Variants in EQTN observed in about 807,000 individuals in gnomAD.
The protein encoded by EQTN is equatorin.
EQTN carries 29 observed loss-of-function variants against 26.9 expected under a neutral mutation model. That is an observed-to-expected ratio of 1.08 (90% CI 0.80 to 1.47). The LOEUF is 1.47. Among genes scored for constraint, EQTN ranks in the 40% most tolerant of loss-of-function variants. The pLI is 0.00. For missense variants in EQTN, 391 were observed against 346.1 expected, an observed-to-expected ratio of 1.13 and a Z score of -1.03; for synonymous variants, 129 against 120.0, an observed-to-expected ratio of 1.07 and a Z score of -0.49.
intron 6 of EQTN, among the ~76,000 whole-genome samples, chr9:27,288,177 T>C (rs2131304892): frequency 6.6e-6 from 1 of 152,314 alleles, no homozygotes; most frequent in East Asian, 1.9e-4. Context: ...AGGTCTTAGA[T>C]ATATCATCAT....
intron 2 of EQTN, among the ~76,000 whole-genome samples, chr9:27,295,520 G>T (rs963252620): frequency 5.3e-5 from 8 of 152,088 alleles, no homozygotes; most frequent in Admixed American, 5.2e-4. Context: ...AAAATAATTG[G>T]ATTTAAAGCT....
chr9:27,286,903 A>G (rs1346502000), intron 6 of EQTN, among the ~76,000 whole-genome samples: 2 of 152,206 alleles, frequency 1.3e-5, no homozygotes, highest in Non-Finnish European at 2.9e-5. Context: ...TTTATTACTG[A>G]AAAGACTAAA....
In EQTN at chr9:27,294,355, C is replaced by T. The variant is rs376686574; in HGVS notation, c.250G>A (p.Val84Met). Residue 84 changes from valine to methionine, a missense_variant, in exon 3 of 8, where the codon GTG (valine) becomes ATG (methionine). Physicochemically the swap from Val to Met is conservative, Grantham distance 21. Transcript: ENST00000380032. The part of the protein sequence containing the change: ...NPNGTESEIS[V>M]RATTDLNFAL... ...AAATTCAGGTCAGTTGTGGCTCTCA[C>T]AGATATTTCAGACTCAGTGCCATTT... The T allele has an allele frequency of 1.1e-5, 17 of 1,611,078 alleles. No homozygotes were observed. In the African/African-American group the frequency reaches 2.1e-4, roughly 20 times the overall value.
chr9:27,292,579 ATGGAAC>A, intron 3 of EQTN, 92 bp from the exon 4 acceptor site: 3 of 670,574 alleles, frequency 4.5e-6, no homozygotes, highest in South Asian at 2.4e-5. Flanking sequence ...AATGGATATT[ATGGAAC>A]AAAGAAAAGG....
intron 6 of EQTN, among the ~76,000 whole-genome samples, chr9:27,288,561 C>T (rs1000573482): frequency 2.0e-5 from 3 of 152,144 alleles, no homozygotes; most frequent in African/African-American, 4.8e-5. Context: ...CAAAACCCTG[C>T]ACACAAGTGT....
In EQTN at chr9:27,296,963, T is replaced by G. The variant is rs769367159; in HGVS notation, c.76+17A>C. ...TCTTACCTACTATTTTTATAAAAGT[T>G]TTAAATGCTCTCTCACCTTCAATAG... On this transcript the variant is annotated intron_variant, in intron 1 of 7. Transcript: ENST00000380032. 1 of 1,608,168 alleles carries G rather than the reference T, an allele frequency of 6.2e-7. No individual in the cohort carries two copies. Among genetic ancestry groups the G allele is most frequent in the Non-Finnish European group, 8.5e-7 (1 of 1,178,454 alleles).
In EQTN at chr9:27,296,595, T is replaced by C. The variant is rs1820349250; in HGVS notation, c.202+18A>G. Reference sequence around the variant, plus strand: ...ATCAACTTTTGCATATACATTTCTATTCACTTTAAAGACTTACATTGTTTT... The same window carrying C: ...ATCAACTTTTGCATATACATTTCTACTCACTTTAAAGACTTACATTGTTTT... On this transcript the variant is annotated intron_variant, in intron 2 of 7. Transcript: ENST00000380032. The C allele has an allele frequency of 1.4e-6, 2 of 1,429,896 alleles. No homozygotes were observed. The highest frequency in any genetic ancestry group is 1.4e-5 in the African/African-American group (1 of 71,026). 88.6% of individuals were successfully genotyped at this position (1,429,896 alleles called of 1,614,324 possible). A position where few individuals can be genotyped will look rare whatever the true frequency, so the allele number is the denominator to read the frequency against.
At chr9:27,292,608 CG>C in intron 3 of EQTN, 121 bp from the exon 4 acceptor site, 1 of 541,092 alleles carries the variant, frequency 1.8e-6, no homozygotes, top group East Asian at 3.1e-5. Flanking sequence ...AGAGAAGAAA[CG>C]GAAGAGAAAG....
At position 27,286,139 on chromosome 9, in the gene EQTN, C is replaced by T; in HGVS notation, c.635+70G>A. On this transcript the variant is annotated intron_variant, in intron 7 of 7. Transcript: ENST00000380032. ...GAGGTCACATATTCCTAAGAATCTA[C>T]TAAAGAGAGGAGGGAGAGAATGCGA... The T allele has an allele frequency of 5.5e-6, 8 of 1,464,104 alleles. No homozygotes were observed. In the South Asian group the frequency reaches 6.3e-5, roughly 11 times the overall value. 90.7% of individuals were successfully genotyped at this position (1,464,104 alleles called of 1,614,324 possible).
chr9:27,292,428 T>C lies in EQTN; in HGVS notation c.349A>G (p.Ser117Gly). The C allele has an allele frequency of 1.2e-6, 2 of 1,608,190 alleles. No individual in the cohort carries two copies. Among genetic ancestry groups the C allele is most frequent in the Non-Finnish European group, 1.7e-6 (2 of 1,176,430 alleles). The change falls in exon 4 of 8, where the codon AGC becomes GGC. Residue 117 changes from serine to glycine, a missense_variant. Coordinates refer to ENST00000380032, the MANE Select transcript of EQTN (RefSeq NM_020641.3). ...KSTIEEETTT[S>G]EPSHKNIQRS... is the part of the protein sequence containing the mutation. Reference sequence around the variant, plus strand: ...TGAATATTTTTATGAGAGGGTTCGCTAGTAGTTGTTTCTTCTTCAATGGTG... The same window carrying C: ...TGAATATTTTTATGAGAGGGTTCGCCAGTAGTTGTTTCTTCTTCAATGGTG...
At chr9:27,294,906 T>A (rs906829767) in intron 2 of EQTN, among the ~76,000 whole-genome samples, 1 of 152,014 alleles carries the variant, frequency 6.6e-6, no homozygotes, top group Admixed American at 6.5e-5. Flanking sequence ...ATTAGTGGAG[T>A]TGGCTGCAAT....
chr9:27,293,875 C>G (rs936364165), intron 3 of EQTN, among the ~76,000 whole-genome samples: 3 of 152,146 alleles, frequency 2.0e-5, no homozygotes, highest in African/African-American at 7.2e-5. Flanking sequence ...TCTCACATTT[C>G]TCAATATTGA....
rs1450082497 is a variant in EQTN at position 27,294,325 on chromosome 9, G to C, written c.280C>G (p.Leu94Val). ...GCCTTTCACTTCTTACCGTTTTTTA[G>C]AGCAAAATTCAGGTCAGTTGTGGCT... ...VRATTDLNFA[L>V]KNDKTVNATT... Residue 94 changes from leucine (L) to valine (V), a missense_variant, in exon 3 of 8, where the codon CTA becomes GTA. Transcript: ENST00000380032. 1 of 1,607,452 alleles carries C rather than the reference G, an allele frequency of 6.2e-7. No individual in the cohort carries two copies.
chr9:27,285,432 A>G (rs1311542502), intron 7 of EQTN, among the ~76,000 whole-genome samples: 4 of 151,926 alleles, frequency 2.6e-5, no homozygotes, highest in Non-Finnish European at 4.4e-5. Flanking sequence ...GTGAGCCACC[A>G]CGCCCGGCCT....
rs777345278 is a variant in EQTN, at chr9:27,291,032, T to C, written c.408A>G (p.Thr136=). Reference sequence around the variant, plus strand: ...GTATGACTTTACCTTTAGCTAACATTGTCCAAAATGCAGGCACGTTTGGGG... The same window carrying C: ...GTATGACTTTACCTTTAGCTAACATCGTCCAAAATGCAGGCACGTTTGGGG... The part of the protein sequence containing the change: ...RSTPNVPAFW[T]MLAKAINGTA... Residue 136 remains threonine, a synonymous_variant, in exon 5 of 8, where the codon ACA becomes ACG. Coordinates refer to ENST00000380032, the MANE Select transcript of EQTN (RefSeq NM_020641.3). 5 of 1,612,036 alleles carry C rather than the reference T, an allele frequency of 3.1e-6. No individual in the cohort carries two copies. The East Asian group carries it at 1.1e-4, about 36-fold the overall frequency.
intron 6 of EQTN, among the ~76,000 whole-genome samples, chr9:27,288,880 T>C (rs906159393): frequency 2.0e-5 from 3 of 152,120 alleles, no homozygotes; most frequent in Admixed American, 1.3e-4. Flanking sequence ...GATGAATTGA[T>C]GGGGCAGAGG....
intron 2 of EQTN, among the ~76,000 whole-genome samples, chr9:27,296,257 A>G (rs1331222603): frequency 1.3e-5 from 2 of 151,530 alleles, no homozygotes; most frequent in Non-Finnish European, 2.9e-5. Flanking sequence ...GCAGTGAGCC[A>G]TGGTCGTGCC....
chr9:27,292,559 A>T (rs1355426421), intron 3 of EQTN, 72 bp from the exon 4 acceptor site: 1 of 857,302 alleles, frequency 1.2e-6, no homozygotes, highest in Admixed American at 2.3e-5. Flanking sequence ...ATATTTTTTA[A>T]TATCTATTAA....
At chr9:27,290,422 G>T (rs763126268) in intron 5 of EQTN, among the ~76,000 whole-genome samples, 24 of 152,168 alleles carry the variant, frequency 1.6e-4, no homozygotes, top group Non-Finnish European at 3.4e-4. Context: ...GGGTGACAAA[G>T]AAATATTAAT....
Sources: allele counts gnomAD v4.1 joint callset (sites outside exome capture counted in the v4.1 genomes callset), GRCh38; gene constraint gnomAD v4.1.1; transcripts MANE v1.5; gene names NCBI Gene and HGNC (gene_info 2026-07-23, HGNC 2026-07-21).